Variants in DPY19L1 observed in about 807,000 individuals in gnomAD.
DPY19L1 encodes the protein dpy-19 like C-mannosyltransferase 1.
A neutral mutation model predicts 96.9 loss-of-function variants in DPY19L1; 35 were observed. The ratio of observed to expected loss-of-function variants is 0.36; its 90% CI spans 0.28 to 0.48. DPY19L1 has a LOEUF of 0.48. Ranked by LOEUF, DPY19L1 falls within the 20% of genes least tolerant of loss-of-function variation. DPY19L1 has a pLI of 0.99. For synonymous variants in DPY19L1, 205 were observed against 252.6 expected, an observed-to-expected ratio of 0.81 and a Z score of 1.79; for missense variants, 521 against 777.9, an observed-to-expected ratio of 0.67 and a Z score of 3.93.
intron 14 of DPY19L1, among the ~76,000 whole-genome samples, chr7:34,949,327 A>G (rs371870527): frequency 1.1e-4 from 17 of 152,350 alleles, no homozygotes; most frequent in Non-Finnish European, 1.3e-4. Flanking sequence ...AAGCAAAATT[A>G]CAGGCTTCTG....
chr7:34,967,004 G>A, intron 9 of DPY19L1, 33 bp from the exon 10 acceptor site: 1 of 1,443,344 alleles, frequency 6.9e-7, no homozygotes. Flanking sequence ...AAGTAAAAAA[G>A]ATAAAATGAA....
chr7:34,959,907 AT>A (rs1562806855), intron 10 of DPY19L1, among the ~76,000 whole-genome samples: 37 of 37,374 alleles, frequency 9.9e-4, no homozygotes, highest in Middle Eastern at 0.015. Context: ...AAATATATAT[AT>A]ATATATATAT....
chr7:35,022,912 C>A (rs368412233), intron 1 of DPY19L1, among the ~76,000 whole-genome samples: 2 of 152,194 alleles, frequency 1.3e-5, no homozygotes, highest in Non-Finnish European at 2.9e-5. Flanking sequence ...CGGTCCCGGA[C>A]GCCTTGGTGC....
At chr7:34,964,245 T>C (rs12535904) in intron 10 of DPY19L1, among the ~76,000 whole-genome samples, 29,902 of 152,016 alleles carry the variant, frequency 0.2, 3,320 homozygotes, top group Admixed American at 0.36. Flanking sequence ...AAAGTATGTA[T>C]CATTTACCCA....
At chr7:34,946,803 C>G (rs528654154) in intron 15 of DPY19L1, among the ~76,000 whole-genome samples, 1 of 152,224 alleles carries the variant, frequency 6.6e-6, no homozygotes, top group Non-Finnish European at 1.5e-5. Flanking sequence ...TCTTTCAGTT[C>G]TGTATGTTAA....
intron 9 of DPY19L1, among the ~76,000 whole-genome samples, chr7:34,968,405 A>T (rs1294099669): frequency 1.3e-5 from 2 of 152,178 alleles, no homozygotes; most frequent in African/African-American, 2.4e-5. Flanking sequence ...TATCCAAGTT[A>T]AGAGGCTAGT....
intron 6 of DPY19L1, among the ~76,000 whole-genome samples, chr7:34,990,568 A>G (rs1402672971): frequency 6.6e-6 from 1 of 152,264 alleles, no homozygotes; most frequent in Non-Finnish European, 1.5e-5. Flanking sequence ...TAGAACACAA[A>G]TATCAAAGTA....
chr7:35,004,685 T>C lies in DPY19L1; in HGVS notation c.764+5783A>G, dbSNP rs149361867. Among the ~76,000 whole-genome samples, 399 of 152,362 alleles carry C rather than the reference T, an allele frequency of 2.6e-3. 1 individual carries two copies. The highest frequency in any genetic ancestry group is 9.1e-3 in the African/African-American group (380 of 41,584). On this transcript the variant is annotated intron_variant, in intron 6 of 21. Transcript: ENST00000638088. ...TACTGGTTATTTATTTACTGGGTCATAGATAATACACTCATATGATAGCAA... is the reference window on the plus strand; with the variant it reads ...TACTGGTTATTTATTTACTGGGTCACAGATAATACACTCATATGATAGCAA...
At chr7:34,939,468 A>C (rs1584199978) in intron 19 of DPY19L1, 93 bp from the exon 20 acceptor site, 6 of 1,082,556 alleles carry the variant, frequency 5.5e-6, no homozygotes, top group East Asian at 2.5e-5. Flanking sequence ...CAGGTAACAG[A>C]GCGGAAGCCC....
At chr7:34,954,549 A>G in intron 13 of DPY19L1, 149 bp downstream of exon 13, 2 of 476,528 alleles carry the variant, frequency 4.2e-6, no homozygotes, top group Non-Finnish European at 7.4e-6. Context: ...ATACAATTAC[A>G]TTTACTTTCT....
At chr7:35,031,775 A>T (rs1481513441) in intron 1 of DPY19L1, among the ~76,000 whole-genome samples, 1 of 152,244 alleles carries the variant, frequency 6.6e-6, no homozygotes, top group Non-Finnish European at 1.5e-5. Flanking sequence ...AAAACTTCTA[A>T]CTGTATCTGT....
At position 34,930,317 on chromosome 7, in the gene DPY19L1, T is replaced by C. The variant is rs1783726543; in HGVS notation, c.*1256A>G. On this transcript the variant is annotated 3_prime_UTR_variant, in exon 22 of 22. Coordinates refer to ENST00000638088, the MANE Select transcript of DPY19L1 (RefSeq NM_001366673.1). ...CAAATTAACTTCTAAGAAACAAAAA[T>C]TCATACAAGGAATTCAAAGAAGGTG... The C allele has an allele frequency of 6.6e-6, 1 of 152,008 alleles. No individual in the cohort carries two copies. The highest frequency in any genetic ancestry group is 1.5e-5 in the Non-Finnish European group (1 of 67,992). 9.4% of individuals were successfully genotyped at this position (152,008 alleles called of 1,614,324 possible). A position where few individuals can be genotyped will look rare whatever the true frequency, so the allele number is the denominator to read the frequency against.
At chr7:35,002,379 G>T (rs1474213318) in intron 6 of DPY19L1, among the ~76,000 whole-genome samples, 1 of 151,892 alleles carries the variant, frequency 6.6e-6, no homozygotes, top group Non-Finnish European at 1.5e-5. Context: ...GAAAAAATAA[G>T]GCTGATAAAA....
At chr7:34,947,194 T>A (rs1373689416) in intron 15 of DPY19L1, among the ~76,000 whole-genome samples, 2 of 152,230 alleles carry the variant, frequency 1.3e-5, no homozygotes, top group Non-Finnish European at 2.9e-5. Context: ...ATCTAGTTCA[T>A]CAACACATTG....
At chr7:35,003,832 G>C (rs1785488772) in intron 6 of DPY19L1, among the ~76,000 whole-genome samples, 1 of 152,252 alleles carries the variant, frequency 6.6e-6, no homozygotes, top group African/African-American at 2.4e-5. Flanking sequence ...CCAGTGTACT[G>C]TAGTCTCTCA....
At chr7:35,012,383 A>G (rs1233598331) in intron 4 of DPY19L1, among the ~76,000 whole-genome samples, 20 of 152,166 alleles carry the variant, frequency 1.3e-4, no homozygotes, top group Admixed American at 9.2e-4. Flanking sequence ...TACTTCCTGC[A>G]TGCAAATCTC....
chr7:35,033,140 T>C lies in DPY19L1; in HGVS notation c.298+3957A>G, dbSNP rs114090308. Among the ~76,000 whole-genome samples, 309 of 152,352 alleles carry C rather than the reference T, an allele frequency of 2.0e-3. 5 individuals carry two copies. The highest frequency in any genetic ancestry group is 6.9e-3 in the African/African-American group (287 of 41,586). ...AAGATCTGGCCCATGCCCATCTCAC[T>C]TTGATGCACCTCCACCCTCTCTTCT... On this transcript the variant is annotated intron_variant, in intron 1 of 21. Transcript: ENST00000638088.
At chr7:34,996,456 C>T (rs1785285928) in intron 6 of DPY19L1, among the ~76,000 whole-genome samples, 1 of 152,158 alleles carries the variant, frequency 6.6e-6, no homozygotes, top group Admixed American at 6.5e-5. Context: ...TCCTCCTTCT[C>T]CTGCCTAGAA....
chr7:34,989,875 A>C lies in DPY19L1; in HGVS notation c.822+9T>G. 1 of 1,579,670 alleles carries C rather than the reference A, an allele frequency of 6.3e-7. No individual in the cohort carries two copies. Among genetic ancestry groups the C allele is most frequent in the Non-Finnish European group, 8.6e-7 (1 of 1,167,646 alleles). On this transcript the variant is annotated intron_variant, in intron 7 of 21. Coordinates refer to ENST00000638088, the MANE Select transcript of DPY19L1 (RefSeq NM_001366673.1). Reference sequence around the variant, plus strand: ...GAAGTAATTCTGAGAATAGTTTTTGATTACCTACCTCTCCATGATTGAAAA... The same window carrying C: ...GAAGTAATTCTGAGAATAGTTTTTGCTTACCTACCTCTCCATGATTGAAAA...
Sources: allele counts gnomAD v4.1 joint callset (sites outside exome capture counted in the v4.1 genomes callset), GRCh38; gene constraint gnomAD v4.1.1; transcripts MANE v1.5; gene names NCBI Gene and HGNC (gene_info 2026-07-23, HGNC 2026-07-21).